TMEM135: variants seen among roughly 807,000 people sequenced by gnomAD.
TMEM135 encodes the protein peroxisomal membrane protein 52.
A neutral mutation model predicts 60.3 loss-of-function variants in TMEM135; 30 were observed. That is an observed-to-expected ratio of 0.50 (90% CI 0.37 to 0.68). TMEM135 has a LOEUF of 0.68. Among genes scored for constraint, TMEM135 ranks in the 30% least tolerant of loss-of-function variants. The pLI is 0.00. For synonymous variants in TMEM135, 190 were observed against 186.7 expected, an observed-to-expected ratio of 1.02 and a Z score of -0.14; for missense variants, 468 against 548.8, an observed-to-expected ratio of 0.85 and a Z score of 1.47.
At chr11:87,123,241 C>A (rs1037004028) in intron 4 of TMEM135, among the ~76,000 whole-genome samples, 1 of 150,570 alleles carries the variant, frequency 6.6e-6, no homozygotes, top group African/African-American at 2.4e-5. Flanking sequence ...GGCTAGAAAC[C>A]TGAAAGCAAG....
chr11:87,235,384 A>G (rs1242922907), intron 5 of TMEM135, among the ~76,000 whole-genome samples: 11 of 151,850 alleles, frequency 7.2e-5, no homozygotes, highest in African/African-American at 2.7e-4. Context: ...TATTTACTTC[A>G]TATTAATTGA....
chr11:87,303,169 C>T (rs1306642198), intron 8 of TMEM135, among the ~76,000 whole-genome samples: 1 of 152,132 alleles, frequency 6.6e-6, no homozygotes, highest in Non-Finnish European at 1.5e-5. Context: ...GAGCAGCAGG[C>T]CAGTGAGCAT....
At chr11:87,120,113 C>CTTTT (rs200904925) in intron 4 of TMEM135, among the ~76,000 whole-genome samples, 2 of 135,020 alleles carry the variant, frequency 1.5e-5, no homozygotes, top group South Asian at 4.7e-4. Flanking sequence ...TTTTCTTCTT[C>CTTTT]TTCTTTTTTT....
intron 4 of TMEM135, among the ~76,000 whole-genome samples, chr11:87,148,022 C>T (rs765944518): frequency 3.3e-5 from 5 of 152,190 alleles, no homozygotes; most frequent in Non-Finnish European, 5.9e-5. Flanking sequence ...TCCCAAAGTG[C>T]TGGGATTACA....
At chr11:87,163,486 T>G (rs981696373) in intron 5 of TMEM135, among the ~76,000 whole-genome samples, 1 of 151,428 alleles carries the variant, frequency 6.6e-6, no homozygotes, top group African/African-American at 2.4e-5. Context: ...TGAATAATGC[T>G]GCAATAAACA....
At chr11:87,089,873 A>C (rs939852902) in intron 3 of TMEM135, among the ~76,000 whole-genome samples, 2 of 152,232 alleles carry the variant, frequency 1.3e-5, no homozygotes, top group African/African-American at 4.8e-5. Context: ...AAAAAAGGAC[A>C]TTAAAAAAAC....
rs142872850 is a variant in TMEM135, at chr11:87,117,716, A to G, written c.396+26321A>G. 3.3e-5 allele frequency among the ~76,000 whole-genome samples: 5 copies of G among 152,146 alleles called. No homozygotes were observed. In the East Asian group the frequency reaches 9.7e-4, roughly 29 times the overall value. Reference sequence around the variant, plus strand: ...TCCTTCACTGGTCTTGAACCCCTCTACGTCATCTATGAGGGTGAGAATCAG... The same window carrying G: ...TCCTTCACTGGTCTTGAACCCCTCTGCGTCATCTATGAGGGTGAGAATCAG... On this transcript the variant is annotated intron_variant, in intron 4 of 14. Coordinates refer to ENST00000305494, the MANE Select transcript of TMEM135 (RefSeq NM_022918.4).
At chr11:87,289,614 G>A (rs1052686368) in intron 6 of TMEM135, among the ~76,000 whole-genome samples, 1 of 151,760 alleles carries the variant, frequency 6.6e-6, no homozygotes, top group Non-Finnish European at 1.5e-5. Context: ...CCGCCACCAT[G>A]CCTGGCTAAT....
intron 3 of TMEM135, among the ~76,000 whole-genome samples, chr11:87,078,800 T>TG (rs1392723762): frequency 6.6e-6 from 1 of 150,468 alleles, no homozygotes; most frequent in East Asian, 2.0e-4. Flanking sequence ...TTCTTTTTTT[T>TG]TAGTAGAGAT....
At chr11:87,168,100 G>C (rs1372338976) in intron 5 of TMEM135, among the ~76,000 whole-genome samples, 1 of 152,140 alleles carries the variant, frequency 6.6e-6, no homozygotes, top group Admixed American at 6.6e-5. Flanking sequence ...TTTGCATAGA[G>C]GTGTTTCTAG....
intron 6 of TMEM135, chr11:87,259,007 A>T: frequency 6.6e-7 from 1 of 1,524,672 alleles, no homozygotes; most frequent in East Asian, 2.3e-5. Flanking sequence ...ATCATAAAGG[A>T]AGTGGTCCCA....
chr11:87,106,983 C>T (rs1342074092), intron 4 of TMEM135, among the ~76,000 whole-genome samples: 1 of 152,098 alleles, frequency 6.6e-6, no homozygotes, highest in Non-Finnish European at 1.5e-5. Flanking sequence ...GGGTGCCACA[C>T]ACTTTTAAAT....
intron 6 of TMEM135, among the ~76,000 whole-genome samples, chr11:87,291,125 A>G (rs1479004655): frequency 6.6e-6 from 1 of 152,194 alleles, no homozygotes; most frequent in Non-Finnish European, 1.5e-5. Flanking sequence ...CTACATATAA[A>G]CAAATCAGAC....
At position 87,327,004 on chromosome 11, in the gene TMEM135, T is replaced by C. The variant is rs1016077563; in HGVS notation, c.*5671T>C. 2 of 453,162 alleles carry C rather than the reference T, an allele frequency of 4.4e-6. No homozygotes were observed. The highest frequency in any genetic ancestry group is 4.0e-5 in the African/African-American group (2 of 49,732). 28.1% of individuals were successfully genotyped at this position (453,162 alleles called of 1,614,324 possible). On this transcript the variant is annotated 3_prime_UTR_variant, in exon 15 of 15. Coordinates refer to ENST00000305494, the MANE Select transcript of TMEM135 (RefSeq NM_022918.4). The stretch of plus-strand genomic sequence containing the variant: ...CAGTCATTGTTAATTGCTCAACTAG[T>C]GGCAGTTTTTCCTTGCTGAGGGAAC...
intron 4 of TMEM135, among the ~76,000 whole-genome samples, chr11:87,153,958 A>AT (rs1415500139): frequency 3.3e-5 from 5 of 151,994 alleles, no homozygotes; most frequent in African/African-American, 9.7e-5. Context: ...AAGAATAACT[A>AT]TTTTTTTTAA....
chr11:87,061,893 C>T lies in TMEM135; in HGVS notation c.142-5801C>T, dbSNP rs184752328. Among the ~76,000 whole-genome samples, 373 of 152,300 alleles carry T rather than the reference C, an allele frequency of 2.4e-3. 2 individuals carry two copies. Among genetic ancestry groups the T allele is most frequent in the Non-Finnish European group, 4.3e-3 (292 of 68,030 alleles). ...GTATCACTCTTCAGTCTGTGCCCAT[C>T]GTATTAGTCAGGTTGGTCTCCATAC... On this transcript the variant is annotated intron_variant, in intron 1 of 14. Coordinates refer to ENST00000305494, the MANE Select transcript of TMEM135 (RefSeq NM_022918.4).
rs74959959 is a variant in TMEM135, at chr11:87,112,337, T to C, written c.396+20942T>C. ...GGAAAAATAACTTATTTAATTTACA[T>C]TCATTCAGTTAACTACTTAAGCCCT... is the stretch of plus-strand genomic sequence containing the variant. On this transcript the variant is annotated intron_variant, in intron 4 of 14. Coordinates refer to ENST00000305494, the MANE Select transcript of TMEM135 (RefSeq NM_022918.4). Among the ~76,000 whole-genome samples the C allele has an allele frequency of 8.3e-3, 1,270 of 152,170 alleles. 22 individuals are homozygous for C. Among genetic ancestry groups the C allele is most frequent in the African/African-American group, 0.029 (1,212 of 41,526 alleles).
At chr11:87,304,404 C>T (rs1474407514) in intron 8 of TMEM135, among the ~76,000 whole-genome samples, 1 of 150,748 alleles carries the variant, frequency 6.6e-6, no homozygotes, top group African/African-American at 2.4e-5. Flanking sequence ...GGAAACTTAA[C>T]AAATTTCAGT....
chr11:87,152,850 C>A (rs1938590965), intron 4 of TMEM135, among the ~76,000 whole-genome samples: 1 of 152,126 alleles, frequency 6.6e-6, no homozygotes, highest in South Asian at 2.1e-4. Flanking sequence ...TTTGCCTCAT[C>A]AAGTTTTCTG....
Sources: allele counts gnomAD v4.1 joint callset (sites outside exome capture counted in the v4.1 genomes callset), GRCh38; gene constraint gnomAD v4.1.1; transcripts MANE v1.5; gene names NCBI Gene and HGNC (gene_info 2026-07-23, HGNC 2026-07-21).